TNRC18: variants seen among roughly 807,000 people sequenced by gnomAD.
TNRC18 encodes the protein trinucleotide repeat containing 18.
Under a neutral mutation model 226.7 loss-of-function variants are expected in TNRC18, and 69 were observed. That is an observed-to-expected ratio of 0.30 (90% CI 0.25 to 0.37). The LOEUF (loss-of-function observed/expected upper bound fraction) is 0.37, where lower values mean the gene tolerates loss of function less well. Ranked by LOEUF, TNRC18 falls within the 10% of genes least tolerant of loss-of-function variation. The pLI, the probability that TNRC18 is intolerant of heterozygous loss-of-function variation, is 1.00. For synonymous variants in TNRC18, 2,449 were observed against 1,927.6 expected, an observed-to-expected ratio of 1.27 and a Z score of -7.09; for missense variants, 4,754 against 4,256.6, an observed-to-expected ratio of 1.12 and a Z score of -3.25.
chr7:5,390,730 G>A (rs1780232378), intron 3 of TNRC18, 102 bp from the exon 4 acceptor site: 3 of 1,359,418 alleles, frequency 2.2e-6, no homozygotes, highest in South Asian at 3.3e-5. Context: ...GCCGACCGCT[G>A]GTACAGGGCG....
rs1384799877 is a variant in TNRC18, at chr7:5,312,969, G to A, written c.7922C>T (p.Ser2641Phe). ...SSSSSSSSSS[S>F]SSSSSSSSSS... Reference sequence around the variant, plus strand: ...AGAGGAGGAAGACGAAGAGGAAGAGGAGGAGGAGGAAGAGGAGGAGGAGGA... The same window carrying A: ...AGAGGAGGAAGACGAAGAGGAAGAGAAGGAGGAGGAAGAGGAGGAGGAGGA... Residue 2641 changes from serine to phenylalanine, a missense_variant, in exon 27 of 30, where the codon TCC (serine) becomes TTC (phenylalanine). By Grantham distance (155) the Ser-to-Phe change is radical. Coordinates refer to ENST00000430969, the MANE Select transcript of TNRC18 (RefSeq NM_001080495.3). The surrounding 1 kb of genome is among the most constrained non-coding windows in gnomAD (Gnocchi z 6.3). The A allele has an allele frequency of 4.2e-6, 5 of 1,187,060 alleles. No individual in the cohort carries two copies. The African/African-American group carries it at 7.6e-5, about 18-fold the overall frequency. 73.5% of individuals were successfully genotyped at this position (1,187,060 alleles called of 1,614,324 possible). A position where few individuals can be genotyped will look rare whatever the true frequency, so the allele number is the denominator to read the frequency against.
At chr7:5,345,517 G>GCCGC in intron 18 of TNRC18, 45 bp downstream of exon 18, 2 of 377,744 alleles carry the variant, frequency 5.3e-6, no homozygotes, top group Non-Finnish European at 4.8e-6. Flanking sequence ...AATGGCGTCC[G>GCCGC]CCCCTCCCAC....
At chr7:5,341,418 C>CAAAA (rs35407523) in intron 18 of TNRC18, among the ~76,000 whole-genome samples, 4 of 85,088 alleles carry the variant, frequency 4.7e-5, no homozygotes, top group African/African-American at 2.0e-4. Flanking sequence ...GACTCCATCT[C>CAAAA]AAAAAAAAAA....
intron 2 of TNRC18, among the ~76,000 whole-genome samples, chr7:5,399,222 G>A (rs547703875): frequency 1.3e-4 from 20 of 152,176 alleles, no homozygotes; most frequent in South Asian, 2.1e-4. Context: ...CACTGAGTTA[G>A]GCCCAGAGCT....
intron 1 of TNRC18, chr7:5,422,975 G>A (rs2128227164): frequency 6.6e-6 from 1 of 152,378 alleles, no homozygotes; most frequent in East Asian, 1.9e-4. Context: ...GGAAGTCGGG[G>A]TGAAGCCCCC....
In TNRC18 at chr7:5,371,345, C is replaced by T. The variant is rs368792615; in HGVS notation, c.3249G>A (p.Pro1083=). The T allele has an allele frequency of 2.1e-4, 315 of 1,514,742 alleles. No homozygotes were observed. Among genetic ancestry groups the T allele is most frequent in the Non-Finnish European group, 2.7e-4 (307 of 1,137,236 alleles). The allele number at this position is 1,514,742 out of a possible 1,614,324, so 93.8% of individuals were successfully genotyped here. ...ALFSDIPPRY[P]FQALPPHYGR... is the part of the protein sequence containing the mutation. ...CGTAGTGCGGTGGCAGGGCTTGGAACGGGTACCTGGGCGGGATATCTGCCA... is the reference window on the plus strand; with the variant it reads ...CGTAGTGCGGTGGCAGGGCTTGGAATGGGTACCTGGGCGGGATATCTGCCA... The change falls in exon 11 of 30, where the codon CCG becomes CCA. Residue 1083 remains proline (P), a synonymous_variant. Coordinates refer to ENST00000430969, the MANE Select transcript of TNRC18 (RefSeq NM_001080495.3).
In TNRC18 at chr7:5,354,444, C is replaced by A. The variant is rs578028183; in HGVS notation, c.5195-2350G>T. ...AGATCAAAAGAACAGCAATCTCCCC[C>A]GACTTCCCTGAACCCCCTTCACTTT... On this transcript the variant is annotated intron_variant, in intron 16 of 29. Coordinates refer to ENST00000430969, the MANE Select transcript of TNRC18 (RefSeq NM_001080495.3). Among the ~76,000 whole-genome samples, 7 of 152,030 alleles carry A rather than the reference C, an allele frequency of 4.6e-5. No individual in the cohort carries two copies. In the East Asian group the frequency reaches 7.8e-4, roughly 17 times the overall value.
At chr7:5,326,387 A>C (rs1788912464) in intron 19 of TNRC18, among the ~76,000 whole-genome samples, 2 of 152,146 alleles carry the variant, frequency 1.3e-5, no homozygotes, top group African/African-American at 4.8e-5. Context: ...TAATGCACTT[A>C]CTTTAACCAC....
At chr7:5,374,573 G>T in intron 9 of TNRC18, 89 bp from the exon 10 acceptor site, 1 of 1,341,408 alleles carries the variant, frequency 7.5e-7, no homozygotes, top group Non-Finnish European at 9.9e-7. Context: ...AAGGGTCCCC[G>T]AGTCCGAGGA....
intron 18 of TNRC18, among the ~76,000 whole-genome samples, chr7:5,334,018 C>A (rs1230732907): frequency 6.6e-6 from 1 of 152,136 alleles, no homozygotes; most frequent in South Asian, 2.1e-4. Context: ...TGGCACTGCT[C>A]CCCAGGACAG....
rs1242431761 is a variant in TNRC18, at chr7:5,324,388, G to C, written c.6301-33C>G. 3 of 1,610,354 alleles carry C rather than the reference G, an allele frequency of 1.9e-6. No individual in the cohort carries two copies. Among genetic ancestry groups the C allele is most frequent in the Middle Eastern group, 1.7e-4 (1 of 5,764 alleles). Reference sequence around the variant, plus strand: ...CAGAACATGGCCGACAAATGACTTAGGACCTGAACAGGGGTCCTGCCGGGT... The same window carrying C: ...CAGAACATGGCCGACAAATGACTTACGACCTGAACAGGGGTCCTGCCGGGT... On this transcript the variant is annotated intron_variant, in intron 20 of 29. Transcript: ENST00000430969. This position sits in a 1 kb window ranked among gnomAD's most constrained non-coding sequence, Gnocchi z 4.8.
chr7:5,348,138 A>G (rs1791397670), intron 17 of TNRC18, among the ~76,000 whole-genome samples: 1 of 152,096 alleles, frequency 6.6e-6, no homozygotes, highest in South Asian at 2.1e-4. Context: ...CTCCCTGCAC[A>G]CAAACCAAAA....
In TNRC18 at chr7:5,370,518, G is replaced by A. The variant is rs758338553; in HGVS notation, c.4076C>T (p.Ser1359Phe). The A allele has an allele frequency of 1.2e-6, 2 of 1,600,426 alleles. No individual in the cohort carries two copies. Among genetic ancestry groups the A allele is most frequent in the Non-Finnish European group, 8.5e-7 (1 of 1,173,842 alleles). The stretch of plus-strand genomic sequence containing the variant: ...GGCCTGGGCTCCAGCAGCACCCGGG[G>A]AGGGCAGAGGCCTGGCCTGGGGCAG... ...AELPQARPLP[S>F]PGAAGAQALE... Residue 1359 changes from serine (S) to phenylalanine (F), a missense_variant, in exon 11 of 30, where the codon TCC (serine) becomes TTC (phenylalanine). Physicochemically the swap from Ser to Phe is radical, Grantham distance 155 (BLOSUM62 -2). Transcript: ENST00000430969.
rs538247752 is a variant in TNRC18 at position 5,349,538 on chromosome 7, TG to T, written c.5470+2280del. ...AGCGATCTGCTGCTGCCAGACCCGG[TG>T]GGGGCGAACCCCGAGGAGGGAGGTG... is the stretch of plus-strand genomic sequence containing the variant. On this transcript the variant is annotated intron_variant, in intron 17 of 29. Transcript: ENST00000430969. Among the ~76,000 whole-genome samples the T allele has an allele frequency of 3.3e-5, 5 of 152,184 alleles. No individual in the cohort carries two copies. In the South Asian group the frequency reaches 1.0e-3, roughly 32 times the overall value.
intron 20 of TNRC18, 87 bp downstream of exon 20, chr7:5,325,009 C>T (rs1279125165): frequency 1.4e-6 from 2 of 1,452,910 alleles, no homozygotes; most frequent in Non-Finnish European, 1.8e-6. Context: ...AGGGTGAATA[C>T]AGAGGAGCAG....
At chr7:5,367,909 C>T (rs1448943572) in intron 11 of TNRC18, among the ~76,000 whole-genome samples, 1 of 152,090 alleles carries the variant, frequency 6.6e-6, no homozygotes, top group East Asian at 1.9e-4. Flanking sequence ...GCCATCTGAC[C>T]ATGACAGTCA....
At position 5,311,172 on chromosome 7, in the gene TNRC18, A is replaced by G. The variant is rs1355925746; in HGVS notation, c.8388+1331T>C. ...TTTGTGTGTGGCTGTATGTGCATTC[A>G]TGTGTACATGTGCACACATATGTGC... On this transcript the variant is annotated intron_variant, in intron 27 of 29. Coordinates refer to ENST00000430969, the MANE Select transcript of TNRC18 (RefSeq NM_001080495.3). Among the ~76,000 whole-genome samples, 6 of 151,330 alleles carry G rather than the reference A, an allele frequency of 4.0e-5. No homozygotes were observed. In the East Asian group the frequency reaches 9.7e-4, roughly 24 times the overall value.
At chr7:5,391,835 TA>T (rs112656100) in intron 3 of TNRC18, among the ~76,000 whole-genome samples, 30,276 of 125,154 alleles carry the variant, frequency 0.24, 3,644 homozygotes, top group South Asian at 0.35. Flanking sequence ...CATCTCTATT[TA>T]AAAAAAAAAA....
intron 18 of TNRC18, among the ~76,000 whole-genome samples, chr7:5,343,465 T>C (rs1790874041): frequency 6.6e-6 from 1 of 152,318 alleles, no homozygotes; most frequent in East Asian, 1.9e-4. Flanking sequence ...TTCTCTTGCC[T>C]GGGCTTCAGT....
Sources: gnomAD v4.1 joint callset for allele counts (sites outside exome capture counted in the v4.1 genomes callset) on GRCh38, gnomAD v4.1.1 for gene constraint, Gnocchi (gnomAD v3.1) non-coding constraint, MANE v1.5 for transcripts, NCBI Gene and HGNC (gene_info 2026-07-23, HGNC 2026-07-21) for gene names.